The following ASIC2 variants were observed in gnomAD, a reference collection of about 807,000 sequenced individuals.
ASIC2 encodes acid-sensing ion channel 2.
ASIC2 carries 25 observed loss-of-function variants against 57.3 expected under a neutral mutation model. The ratio of observed to expected loss-of-function variants is 0.44; its 90% CI spans 0.32 to 0.61. The LOEUF (loss-of-function observed/expected upper bound fraction) is 0.61, where lower values mean the gene tolerates loss of function less well. Ranked by LOEUF, ASIC2 falls within the 20% of genes least tolerant of loss-of-function variation. The probability of loss-of-function intolerance (pLI) is 0.06; values close to 1 mark genes in which losing one functional copy is unlikely to be tolerated. For synonymous variants in ASIC2, 319 were observed against 307.5 expected, an observed-to-expected ratio of 1.04 and a Z score of -0.39; for missense variants, 641 against 738.1, an observed-to-expected ratio of 0.87 and a Z score of 1.52.
At chr17:34,124,263 T>A (rs539226854) in intron 1 of ASIC2, among the ~76,000 whole-genome samples, 10 of 152,118 alleles carry the variant, frequency 6.6e-5, no homozygotes, top group Non-Finnish European at 1.5e-4. Context: ...ATGGGTGACA[T>A]CACTTACTAT....
At chr17:34,073,893 A>G (rs949505243) in intron 1 of ASIC2, among the ~76,000 whole-genome samples, 13 of 152,284 alleles carry the variant, frequency 8.5e-5, no homozygotes. Context: ...AGGTGTGTGA[A>G]GTCAGCCAGC....
intron 1 of ASIC2, among the ~76,000 whole-genome samples, chr17:33,324,324 G>A (rs955875754): frequency 2.0e-5 from 3 of 152,078 alleles, no homozygotes; most frequent in Non-Finnish European, 4.4e-5. Flanking sequence ...AAGTGTCTGT[G>A]CATTATCACT....
chr17:33,979,449 C>G (rs1399345048), intron 1 of ASIC2, among the ~76,000 whole-genome samples: 3 of 152,068 alleles, frequency 2.0e-5, no homozygotes, highest in Admixed American at 6.5e-5. Flanking sequence ...GCCTGGTGTC[C>G]CCTGTATGCA....
intron 8 of ASIC2, among the ~76,000 whole-genome samples, chr17:33,016,661 G>C (rs2091807380): frequency 6.6e-6 from 1 of 152,092 alleles, no homozygotes. Context: ...AGAGGAGCCT[G>C]GTTACTGGGG....
intron 1 of ASIC2, among the ~76,000 whole-genome samples, chr17:34,132,337 C>G (rs1174085106): frequency 6.6e-6 from 1 of 152,096 alleles, no homozygotes; most frequent in Admixed American, 6.5e-5. Context: ...TTGTGAAGAA[C>G]AAAACAACAA....
chr17:33,898,566 T>C (rs1915160631), intron 1 of ASIC2, among the ~76,000 whole-genome samples: 1 of 152,192 alleles, frequency 6.6e-6, no homozygotes, highest in South Asian at 2.1e-4. Context: ...CTTCCCGTAG[T>C]ACAATAATCA....
intron 1 of ASIC2, among the ~76,000 whole-genome samples, chr17:33,998,135 A>G (rs2142013635): frequency 6.6e-6 from 1 of 152,200 alleles, no homozygotes; most frequent in Non-Finnish European, 1.5e-5. Context: ...TATGTTCCCT[A>G]GAAGGTTATT....
chr17:33,683,066 G>A (rs552232896), intron 1 of ASIC2, among the ~76,000 whole-genome samples: 2 of 152,326 alleles, frequency 1.3e-5, no homozygotes, highest in African/African-American at 4.8e-5. Context: ...CAGGGTGTCA[G>A]TAGGCCACGC....
chr17:33,143,162 T>G (rs748265445), intron 1 of ASIC2, among the ~76,000 whole-genome samples: 9 of 152,194 alleles, frequency 5.9e-5, no homozygotes, highest in Non-Finnish European at 1.3e-4. Context: ...GGTAGGTTGC[T>G]TAGACCGCTG....
chr17:33,300,451 G>A (rs911434918), intron 1 of ASIC2, among the ~76,000 whole-genome samples: 1 of 152,028 alleles, frequency 6.6e-6, no homozygotes, highest in Non-Finnish European at 1.5e-5. Flanking sequence ...ATGACAAGGT[G>A]GTACACAAGC....
At chr17:33,501,595 C>T (rs1914102595) in intron 1 of ASIC2, among the ~76,000 whole-genome samples, 1 of 152,206 alleles carries the variant, frequency 6.6e-6, no homozygotes, top group African/African-American at 2.4e-5. Flanking sequence ...GAGCACTGCT[C>T]TTTAGGTACC....
chr17:33,338,777 C>T (rs1487124615), intron 1 of ASIC2, among the ~76,000 whole-genome samples: 1 of 152,042 alleles, frequency 6.6e-6, no homozygotes, highest in African/African-American at 2.4e-5. Context: ...TCTAAAAAGA[C>T]TATAATATAG....
At chr17:34,044,888 G>A (rs966825079) in intron 1 of ASIC2, among the ~76,000 whole-genome samples, 6 of 152,188 alleles carry the variant, frequency 3.9e-5, no homozygotes, top group Admixed American at 3.9e-4. Context: ...ATTACTTGGA[G>A]TTACTCTGAT....
intron 1 of ASIC2, among the ~76,000 whole-genome samples, chr17:33,847,873 G>A (rs1471357389): frequency 6.6e-6 from 1 of 152,170 alleles, no homozygotes; most frequent in African/African-American, 2.4e-5. Flanking sequence ...GCAAGGGGCA[G>A]CAATGGGAGT....
intron 1 of ASIC2, among the ~76,000 whole-genome samples, chr17:33,393,195 C>G (rs1442789935): frequency 6.6e-6 from 1 of 152,148 alleles, no homozygotes; most frequent in East Asian, 1.9e-4. Context: ...TAAAATAAAG[C>G]CCAAGCTCCT....
rs577825389 is a variant in ASIC2, at chr17:33,281,048, C to A, written c.708+10360G>T. On this transcript the variant is annotated intron_variant, in intron 1 of 9. Coordinates refer to ENST00000225823, the MANE Select transcript of ASIC2 (RefSeq NM_183377.2). ...AAGAGAGAGTTTACAGAGGAACAAA[C>A]TGATATTGCTGTGATACAAAAGTGT... 2.6e-5 allele frequency among the ~76,000 whole-genome samples: 4 copies of A among 152,298 alleles called. No homozygotes were observed. In the South Asian group the frequency reaches 8.3e-4, roughly 32 times the overall value.
chr17:33,887,660 A>G (rs1312613084), intron 1 of ASIC2, among the ~76,000 whole-genome samples: 1 of 152,242 alleles, frequency 6.6e-6, no homozygotes, highest in East Asian at 1.9e-4. Context: ...TTGGTGCCTT[A>G]TGGGATGAGG....
intron 1 of ASIC2, among the ~76,000 whole-genome samples, chr17:33,491,617 T>C (rs1328326949): frequency 6.6e-6 from 1 of 152,228 alleles, no homozygotes; most frequent in Non-Finnish European, 1.5e-5. Context: ...AACATAGTCA[T>C]TTGGACCCTG....
intron 1 of ASIC2, among the ~76,000 whole-genome samples, chr17:34,017,043 C>T (rs1169892647): frequency 1.3e-5 from 2 of 152,158 alleles, no homozygotes; most frequent in Non-Finnish European, 2.9e-5. Context: ...TACTTTATTG[C>T]ACCATGATTT....
Sources: gnomAD v4.1 joint callset for allele counts (sites outside exome capture counted in the v4.1 genomes callset) on GRCh38, gnomAD v4.1.1 for gene constraint, MANE v1.5 for transcripts, NCBI Gene and HGNC (gene_info 2026-07-23, HGNC 2026-07-21) for gene names.